GNG7: variants seen among roughly 807,000 people sequenced by gnomAD.
GNG7 encodes the protein guanine nucleotide-binding protein G(I)/G(S)/G(O) subunit gamma-7.
A neutral mutation model predicts 4.0 loss-of-function variants in GNG7; 1 was observed. The ratio of observed to expected loss-of-function variants is 0.25; its 90% confidence interval spans 0.09 to 1.18. The LOEUF (loss-of-function observed/expected upper bound fraction) is 1.18, where lower values mean the gene tolerates loss of function less well. GNG7 is among the 50% of genes most tolerant of loss of function. The probability of loss-of-function intolerance (pLI) is 0.50; values close to 1 mark genes in which losing one functional copy is unlikely to be tolerated. For missense variants in GNG7, 86 were observed against 91.9 expected (o/e 0.94, Z 0.26); for synonymous variants, 34 against 36.9 (o/e 0.92, Z 0.29).
chr19:2,641,005 GA>G (rs935561936), intron 2 of GNG7, among the ~76,000 whole-genome samples: 18 of 152,166 alleles, frequency 1.2e-4, no homozygotes, highest in Non-Finnish European at 5.9e-5. Flanking sequence ...ACCTGCTTGA[GA>G]AACTTAAGTC....
chr19:2,659,352 G>C (rs193179300), intron 1 of GNG7, among the ~76,000 whole-genome samples: 180 of 150,838 alleles, frequency 1.2e-3, no homozygotes, highest in African/African-American at 4.1e-3. Context: ...GCTGAGATGG[G>C]GGGATCACCT....
Position 2,614,463 on chromosome 19 carries a change from C to A in GNG7, c.-78+31761G>T, listed in dbSNP as rs1234701861. On this transcript the variant is annotated intron_variant, in intron 2 of 4. Transcript: ENST00000382159. This position sits in a 1 kb window ranked among gnomAD's most constrained non-coding sequence, Gnocchi z 6.0. ...TGTCACTTCCCATCCCCCTCCCCAG[C>A]CCCTGGCACCCACACATCCCCTTCC... Among the ~76,000 whole-genome samples the A allele has an allele frequency of 9.2e-5, 14 of 152,196 alleles. No homozygotes were observed. The highest frequency in any genetic ancestry group is 3.1e-4 in the African/African-American group (13 of 41,442).
chr19:2,538,392 G>C (rs1211045657), intron 3 of GNG7: 4 of 415,284 alleles, frequency 9.6e-6, no homozygotes, highest in African/African-American at 8.3e-5. Flanking sequence ...GGAGGCCAAG[G>C]CTGGAGGATC....
At chr19:2,612,203 G>T (rs546091063) in intron 2 of GNG7, among the ~76,000 whole-genome samples, 14 of 152,204 alleles carry the variant, frequency 9.2e-5, no homozygotes, top group African/African-American at 3.4e-4. Context: ...TAATTGGATT[G>T]ACTTTGGTCT....
At chr19:2,533,916 A>G (rs921984526) in intron 3 of GNG7, among the ~76,000 whole-genome samples, 1 of 152,210 alleles carries the variant, frequency 6.6e-6, no homozygotes, top group African/African-American at 2.4e-5. Context: ...CACATGAATC[A>G]TATCAGCCTT....
chr19:2,511,927 G>A lies in GNG7; in HGVS notation c.*3095C>T. On this transcript the variant is annotated 3_prime_UTR_variant, in exon 5 of 5. Coordinates refer to ENST00000382159, the MANE Select transcript of GNG7 (RefSeq NM_052847.3). This position sits in a 1 kb window ranked among gnomAD's most constrained non-coding sequence, Gnocchi z 6.3. ...AGGGGAGGCGGAGCTGGTCCGGGAAGGTGCCCAGGTGGGTCACAACAGGGT... is the reference window on the plus strand; with the variant it reads ...AGGGGAGGCGGAGCTGGTCCGGGAAAGTGCCCAGGTGGGTCACAACAGGGT... 9 of 986,134 alleles carry A rather than the reference G, an allele frequency of 9.1e-6. No individual in the cohort carries two copies. The highest frequency in any genetic ancestry group is 1.1e-5 in the Non-Finnish European group (9 of 830,184). 61.1% of individuals were successfully genotyped at this position (986,134 alleles called of 1,614,324 possible).
chr19:2,630,403 G>C (rs1159722840), intron 2 of GNG7, among the ~76,000 whole-genome samples: 1 of 152,178 alleles, frequency 6.6e-6, no homozygotes, highest in Non-Finnish European at 1.5e-5. Context: ...TCCTAAATCA[G>C]TTGACCTTGA....
chr19:2,521,614 T>TTC, intron 3 of GNG7, among the ~76,000 whole-genome samples: 1 of 134,526 alleles, frequency 7.4e-6, no homozygotes, highest in Non-Finnish European at 1.7e-5. Context: ...CCCTCCGTGT[T>TTC]TTTTTTTTTT....
At chr19:2,536,781 G>A (rs1459012642) in intron 3 of GNG7, among the ~76,000 whole-genome samples, 1 of 151,994 alleles carries the variant, frequency 6.6e-6, no homozygotes, top group African/African-American at 2.4e-5. Context: ...TGTGCTCCAC[G>A]ACACCCTAGG....
At chr19:2,619,877 C>T (rs1981819398) in intron 2 of GNG7, among the ~76,000 whole-genome samples, 1 of 151,886 alleles carries the variant, frequency 6.6e-6, no homozygotes, top group Non-Finnish European at 1.5e-5. Context: ...GTAAAAACCG[C>T]TGAGCTGCAC....
intron 2 of GNG7, among the ~76,000 whole-genome samples, chr19:2,598,818 G>T (rs1368965986): frequency 2.0e-5 from 3 of 151,942 alleles, no homozygotes; most frequent in African/African-American, 7.2e-5. Flanking sequence ...ACTAGGAAAA[G>T]GATGTCTCAA....
At chr19:2,598,978 G>A (rs1277461257) in intron 2 of GNG7, among the ~76,000 whole-genome samples, 1 of 152,238 alleles carries the variant, frequency 6.6e-6, no homozygotes, top group Non-Finnish European at 1.5e-5. Context: ...AAATTGGAAA[G>A]TGAAGTTTCT....
At chr19:2,639,288 C>T (rs1009851128) in intron 2 of GNG7, among the ~76,000 whole-genome samples, 5 of 151,976 alleles carry the variant, frequency 3.3e-5, no homozygotes, top group African/African-American at 9.7e-5. Context: ...TCAAAAGACA[C>T]GCTCAGGAAA....
At chr19:2,695,291 CT>C (rs1458658784) in intron 1 of GNG7, among the ~76,000 whole-genome samples, 2 of 151,556 alleles carry the variant, frequency 1.3e-5, no homozygotes, top group Admixed American at 6.6e-5. Context: ...CTCTACCCCC[CT>C]GGACGACTTC....
chr19:2,695,446 T>C (rs1408653012), intron 1 of GNG7, among the ~76,000 whole-genome samples: 2 of 152,096 alleles, frequency 1.3e-5, no homozygotes, highest in African/African-American at 4.8e-5. Context: ...ATTCACGTGG[T>C]GCTCCCAGGG....
chr19:2,553,600 G>A (rs992982398), intron 3 of GNG7, among the ~76,000 whole-genome samples: 4 of 147,992 alleles, frequency 2.7e-5, no homozygotes, highest in African/African-American at 7.4e-5. Context: ...CATATTACAT[G>A]CAATATATCA....
At chr19:2,598,769 A>G (rs1981112299) in intron 2 of GNG7, among the ~76,000 whole-genome samples, 1 of 151,452 alleles carries the variant, frequency 6.6e-6, no homozygotes. Flanking sequence ...CATCGGGTGC[A>G]TTTAAATCTC....
chr19:2,649,526 A>C (rs1340808851), intron 1 of GNG7, among the ~76,000 whole-genome samples: 1 of 151,758 alleles, frequency 6.6e-6, no homozygotes, highest in Non-Finnish European at 1.5e-5. Context: ...AGTAGCTGGG[A>C]TTACAGGCAC....
chr19:2,681,876 C>T (rs116882012), intron 1 of GNG7, among the ~76,000 whole-genome samples: 4 of 152,208 alleles, frequency 2.6e-5, no homozygotes, highest in South Asian at 2.1e-4. Context: ...AGGACTGATG[C>T]GGAGCATGTT....
Sources: gnomAD v4.1 joint callset for allele counts (sites outside exome capture counted in the v4.1 genomes callset) on GRCh38, gnomAD v4.1.1 for gene constraint, Gnocchi (gnomAD v3.1) non-coding constraint, MANE v1.5 for transcripts, NCBI Gene and HGNC (gene_info 2026-07-23, HGNC 2026-07-21) for gene names.